RPS7: variants seen among roughly 807,000 people sequenced by gnomAD.
RPS7 encodes the protein ribosomal protein S7.
RPS7 carries 1 observed loss-of-function variant against 22.1 expected under a neutral mutation model. The ratio of observed to expected loss-of-function variants is 0.05; its 90% CI spans 0.02 to 0.21. The LOEUF (loss-of-function observed/expected upper bound fraction) is 0.21. RPS7 is among the 10% of genes least tolerant of loss of function. The pLI is 1.00. For missense variants in RPS7, 137 were observed against 246.4 expected, an observed-to-expected ratio of 0.56 and a Z score of 2.97; for synonymous variants, 80 against 92.0, an observed-to-expected ratio of 0.87 and a Z score of 0.74.
chr2:3,578,892 ACCTAGT>A (rs938242648), intron 5 of RPS7: 9 of 152,148 alleles, frequency 5.9e-5, no homozygotes, highest in Admixed American at 1.3e-4. Flanking sequence ...TTCTAGTGGG[ACCTAGT>A]CTGTACATTG....
At chr2:3,576,087 C>T (rs1661272021) in intron 3 of RPS7, 199 bp downstream of exon 3, 2 of 636,062 alleles carry the variant, frequency 3.1e-6, no homozygotes, top group Admixed American at 2.5e-5. Flanking sequence ...GCGGCTTAAG[C>T]TGTCCACATG....
rs1049373782 is a variant in RPS7, at chr2:3,580,001, T to C, written c.357-109T>C. ...ATTTGAAAATGAGTGTTAATTTGAC[T>C]TCAGGAACCTGGGATTTGCATTTTC... On this transcript the variant is annotated intron_variant, in intron 5 of 6. Coordinates refer to ENST00000645674, the MANE Select transcript of RPS7 (RefSeq NM_001011.4). 9.5e-5 allele frequency: 97 copies of C among 1,023,786 alleles called. No homozygotes were observed. The African/African-American group carries it at 1.3e-3, about 14-fold the overall frequency. 63.4% of individuals were successfully genotyped at this position (1,023,786 alleles called of 1,614,324 possible).
chr2:3,579,098 T>G (rs1661346451), intron 5 of RPS7: 1 of 152,214 alleles, frequency 6.6e-6, no homozygotes, highest in Non-Finnish European at 1.5e-5. Context: ...TCCCTGTGGT[T>G]TGTGATGATT....
At chr2:3,575,498 G>A (rs1021653384) in intron 1 of RPS7, 94 bp from the exon 2 acceptor site, 4 of 803,566 alleles carry the variant, frequency 5.0e-6, no homozygotes, top group Non-Finnish European at 8.4e-6. Context: ...GGCTTCTGCG[G>A]GGCGAGCGGG....
Position 3,575,627 on chromosome 2 carries a change from C to G in RPS7, c.18C>G (p.Ala6=). Residue 6 remains alanine, a synonymous_variant, in exon 2 of 7, where the codon GCC becomes GCG. Transcript: ENST00000645674. MFSSS[A]KIVKPNGEKP... is the part of the protein sequence containing the mutation. ...AGAAAGCCATGTTCAGTTCGAGCGC[C>G]AAGATCGTGAAGCCCAATGGCGAGA... 1 of 1,611,188 alleles carries G rather than the reference C, an allele frequency of 6.2e-7. No homozygotes were observed. Among genetic ancestry groups the G allele is most frequent in the Non-Finnish European group, 8.5e-7 (1 of 1,179,452 alleles).
chr2:3,580,073 G>C, intron 5 of RPS7, 37 bp from the exon 6 acceptor site: 9 of 1,611,610 alleles, frequency 5.6e-6, no homozygotes, highest in Non-Finnish European at 7.6e-6. Context: ...GAGGGCAGGC[G>C]TTGCTAGGTT....
chr2:3,577,918 T>TA (rs769173610), intron 5 of RPS7, 144 bp downstream of exon 5: 3 of 651,064 alleles, frequency 4.6e-6, no homozygotes, highest in South Asian at 1.8e-5. Context: ...TTGCACATGA[T>TA]ACGTTTTAGA....
intron 5 of RPS7, 22 bp downstream of exon 5, chr2:3,577,796 G>A: frequency 6.7e-7 from 1 of 1,501,194 alleles, no homozygotes; most frequent in Non-Finnish European, 9.3e-7. Context: ...AGTAGTTTCA[G>A]AAATGTGTGT....
chr2:3,577,323 G>C (rs1325905819), intron 4 of RPS7: 4 of 206,952 alleles, frequency 1.9e-5, no homozygotes, highest in East Asian at 1.3e-4. Flanking sequence ...GCGACAGAGC[G>C]AGACTCCATC....
chr2:3,580,768 T>C (rs2147822835), intron 6 of RPS7, 37 bp from the exon 7 acceptor site: 1 of 1,324,236 alleles, frequency 7.6e-7, no homozygotes, highest in East Asian at 2.3e-5. Flanking sequence ...GAGTGTGTAT[T>C]TCAAAGTTCT....
In RPS7 at chr2:3,580,274, A is replaced by G. The variant is rs745550790; in HGVS notation, c.507+14A>G. ...GTGGAACACAAGGTAATAGGTCAAC[A>G]TTTTATCATGGAAAGGTTCAGCCAC... On this transcript the variant is annotated intron_variant, in intron 6 of 6. Transcript: ENST00000645674. 1.2e-6 allele frequency: 2 copies of G among 1,612,784 alleles called. No homozygotes were observed. Among genetic ancestry groups the G allele is most frequent in the Non-Finnish European group, 1.7e-6 (2 of 1,179,004 alleles).
chr2:3,576,818 GTGGA>G (rs2147820136), intron 4 of RPS7, 188 bp downstream of exon 4: 1 of 752,332 alleles, frequency 1.3e-6, no homozygotes, highest in East Asian at 2.6e-5. Context: ...GTGGAGGCGG[GTGGA>G]TCACTGTAGA....
At chr2:3,575,726 C>A in intron 2 of RPS7, 42 bp downstream of exon 2, 1 of 1,601,688 alleles carries the variant, frequency 6.2e-7, no homozygotes, top group Non-Finnish European at 8.5e-7. Context: ...GGGAGGCGCC[C>A]CGCCCGGGAG....
chr2:3,576,752 AAG>A, intron 4 of RPS7, 122 bp downstream of exon 4: 1 of 1,226,648 alleles, frequency 8.2e-7, no homozygotes, highest in South Asian at 1.2e-5. Context: ...ATTGGGTAGA[AAG>A]ATAAAGTACA....
chr2:3,580,336 G>A (rs751745227), intron 6 of RPS7, 76 bp downstream of exon 6: 25 of 1,275,018 alleles, frequency 2.0e-5, no homozygotes, highest in Admixed American at 5.3e-5. Flanking sequence ...GTCTCCATGC[G>A]CCACCATAGC....
chr2:3,576,135 C>T, intron 3 of RPS7: 1 of 603,384 alleles, frequency 1.7e-6, no homozygotes, highest in Non-Finnish European at 2.9e-6. Context: ...AGGGCCTGGG[C>T]CCATTTCGGA....
chr2:3,580,590 G>T (rs1471000828), intron 6 of RPS7: 1 of 622,274 alleles, frequency 1.6e-6, no homozygotes, highest in East Asian at 2.7e-5. Flanking sequence ...GACTGCTGGG[G>T]TCCCCTGATG....
chr2:3,576,741 A>G, intron 4 of RPS7, 111 bp downstream of exon 4: 1 of 1,282,380 alleles, frequency 7.8e-7, no homozygotes, highest in Non-Finnish European at 1.1e-6. Context: ...TTATGAATCC[A>G]ATTGGGTAGA....
chr2:3,575,597 C>G lies in RPS7; in HGVS notation c.-13C>G. 5.6e-6 allele frequency: 9 copies of G among 1,609,546 alleles called. No homozygotes were observed. The highest frequency in any genetic ancestry group is 7.6e-6 in the Non-Finnish European group (9 of 1,178,328). On this transcript the variant is annotated 5_prime_UTR_variant, in exon 2 of 7. Coordinates refer to ENST00000645674, the MANE Select transcript of RPS7 (RefSeq NM_001011.4). ...GCTGACCGCTGTGCCTTCAGTTCTC[C>G]CAGGAGAAAGCCATGTTCAGTTCGA... is the stretch of plus-strand genomic sequence containing the variant.
Sources: gnomAD v4.1 joint callset for allele counts on GRCh38, gnomAD v4.1.1 for gene constraint, MANE v1.5 for transcripts, NCBI Gene and HGNC (gene_info 2026-07-23, HGNC 2026-07-21) for gene names.